Variants in TMEM71 observed in about 807,000 individuals in gnomAD.
TMEM71 encodes the protein transmembrane protein 71.
TMEM71 carries 44 observed loss-of-function variants against 38.0 expected under a neutral mutation model. The observed-to-expected ratio is 1.16, with a 90% CI of 0.91 to 1.49. The LOEUF (loss-of-function observed/expected upper bound fraction) is 1.49. TMEM71 is among the 40% of genes most tolerant of loss of function. The pLI is 0.00. For synonymous variants in TMEM71, 133 were observed against 122.5 expected (o/e 1.09, Z -0.56); for missense variants, 367 against 348.6 (o/e 1.05, Z -0.42).
chr8:132,774,357 G>A, the TMEM71 span, among the ~76,000 whole-genome samples: 1 of 152,206 alleles, frequency 6.6e-6, no homozygotes, highest in Non-Finnish European at 1.5e-5. Context: ...ATATCCACTA[G>A]AGACTGTCTT....
chr8:132,755,748 T>A (rs1207373981), intron 3 of TMEM71, among the ~76,000 whole-genome samples: 1 of 152,192 alleles, frequency 6.6e-6, no homozygotes, highest in African/African-American at 2.4e-5. Flanking sequence ...AGCCCTGTAA[T>A]AAAATACTGT....
the TMEM71 span, among the ~76,000 whole-genome samples, chr8:132,766,800 AAT>A: frequency 8.3e-6 from 1 of 120,062 alleles, no homozygotes; most frequent in Admixed American, 8.4e-5. Flanking sequence ...AAAAAATAAA[AAT>A]AAAAAAGATG....
chr8:132,775,327 G>A, the TMEM71 span: 2 of 345,692 alleles, frequency 5.8e-6, no homozygotes, highest in Admixed American at 4.8e-5. Flanking sequence ...CACGTGACAA[G>A]GCCAGGCCCG....
At chr8:132,722,259 T>A in intron 6 of TMEM71, 144 bp from the exon 7 acceptor site, 1 of 642,986 alleles carries the variant, frequency 1.6e-6, no homozygotes, top group Non-Finnish European at 2.8e-6. Flanking sequence ...CAATGTGTCA[T>A]AAATAACAAG....
chr8:132,715,459 G>A (rs925025883), intron 7 of TMEM71, among the ~76,000 whole-genome samples: 2 of 147,052 alleles, frequency 1.4e-5, no homozygotes, highest in Non-Finnish European at 3.0e-5. Context: ...GCAAACAGTT[G>A]GAAGATAGTT....
the TMEM71 span, among the ~76,000 whole-genome samples, chr8:132,770,303 T>C: frequency 6.6e-6 from 1 of 152,166 alleles, no homozygotes; most frequent in Non-Finnish European, 1.5e-5. Context: ...CAAATTCCAG[T>C]CTCTTTCTTT....
At chr8:132,714,815 A>C (rs1282918921) in intron 7 of TMEM71, among the ~76,000 whole-genome samples, 2 of 152,216 alleles carry the variant, frequency 1.3e-5, no homozygotes, top group East Asian at 1.9e-4. Flanking sequence ...TTATGTATCT[A>C]ATCAAGGACT....
chr8:132,728,440 T>C (rs1827273991), intron 5 of TMEM71, among the ~76,000 whole-genome samples: 1 of 152,192 alleles, frequency 6.6e-6, no homozygotes, highest in Non-Finnish European at 1.5e-5. Flanking sequence ...CCCATCACCA[T>C]GATTCAATAC....
Position 132,710,843 on chromosome 8 carries a change from G to A in TMEM71, c.*124C>T, listed in dbSNP as rs761942511. The A allele has an allele frequency of 8.3e-6, 7 of 846,230 alleles. No individual in the cohort carries two copies. The highest frequency in any genetic ancestry group is 1.4e-5 in the Non-Finnish European group (7 of 504,656). The allele number at this position is 846,230 out of a possible 1,614,324, so 52.4% of individuals were successfully genotyped here. A position where few individuals can be genotyped will look rare whatever the true frequency, so the allele number is the denominator to read the frequency against. ...AAAATCACATAGTCAAACTAAAATG[G>A]CTTTTTCTCCATTACTCGCTTACTC... On this transcript the variant is annotated 3_prime_UTR_variant, in exon 10 of 10. Transcript: ENST00000677595.
chr8:132,711,179 A>C lies in TMEM71; in HGVS notation c.873-197T>G, dbSNP rs145597606. 7.2e-3 allele frequency among the ~76,000 whole-genome samples: 1,095 copies of C among 152,260 alleles called. 14 individuals carry two copies. Among genetic ancestry groups the C allele is most frequent in the African/African-American group, 0.025 (1,058 of 41,546 alleles). On this transcript the variant is annotated intron_variant, in intron 9 of 9. Coordinates refer to ENST00000677595, the MANE Select transcript of TMEM71 (RefSeq NM_001382403.1). ...TTTTCGTTTTTGCTTTTATCCCAGC[A>C]GTTCTTAGTGCTCTCCTTTTTGTCT... is the stretch of plus-strand genomic sequence containing the variant.
At chr8:132,723,832 G>A (rs1207191067) in intron 6 of TMEM71, among the ~76,000 whole-genome samples, 1 of 151,982 alleles carries the variant, frequency 6.6e-6, no homozygotes, top group African/African-American at 2.4e-5. Flanking sequence ...CATATATCAG[G>A]GGAACCCACC....
chr8:132,746,784 G>A (rs1002376010), intron 5 of TMEM71, among the ~76,000 whole-genome samples, 158 bp downstream of exon 5: 5 of 152,072 alleles, frequency 3.3e-5, no homozygotes, highest in Non-Finnish European at 7.3e-5. Context: ...GATCACACAT[G>A]TAATATAGAG....
chr8:132,759,124 CAG>C (rs1829191366), intron 1 of TMEM71, among the ~76,000 whole-genome samples: 1 of 152,152 alleles, frequency 6.6e-6, no homozygotes, highest in Non-Finnish European at 1.5e-5. Context: ...TTGCCTCACT[CAG>C]TGCATCTCAA....
chr8:132,726,710 A>G (rs1827161381), intron 6 of TMEM71, among the ~76,000 whole-genome samples: 1 of 152,252 alleles, frequency 6.6e-6, no homozygotes, highest in African/African-American at 2.4e-5. Flanking sequence ...TTAGCAAACC[A>G]GAGACTAAGG....
chr8:132,732,415 C>A (rs1827509202), intron 5 of TMEM71, among the ~76,000 whole-genome samples: 1 of 152,020 alleles, frequency 6.6e-6, no homozygotes, highest in Admixed American at 6.6e-5. Flanking sequence ...GGGTGGGTTC[C>A]CAGAAGAGTC....
chr8:132,719,257 T>C (rs1563743367), intron 7 of TMEM71, among the ~76,000 whole-genome samples: 2 of 152,234 alleles, frequency 1.3e-5, no homozygotes, highest in Non-Finnish European at 2.9e-5. Context: ...TTGAATTTTA[T>C]ATACACAGGT....
At chr8:132,753,926 AT>A (rs1024348876) in intron 3 of TMEM71, among the ~76,000 whole-genome samples, 1 of 151,944 alleles carries the variant, frequency 6.6e-6, no homozygotes, top group Admixed American at 6.6e-5. Context: ...CTATTCAGCT[AT>A]TTAAAGAGAG....
At chr8:132,728,013 A>AGTGTGTGT (rs59776482) in intron 5 of TMEM71, 27 bp from the exon 6 acceptor site, 85 of 1,080,738 alleles carry the variant, frequency 7.9e-5, no homozygotes, top group African/African-American at 6.8e-4. Flanking sequence ...GTTCAGTGTG[A>AGTGTGTGT]GTGTGTGTGT....
At position 132,710,985 on chromosome 8, in the gene TMEM71, A is replaced by C; in HGVS notation, c.873-3T>G. On this transcript the variant is annotated splice_polypyrimidine_tract_variant and splice_region_variant and intron_variant, in intron 9 of 9. Coordinates refer to ENST00000677595, the MANE Select transcript of TMEM71 (RefSeq NM_001382403.1). Reference sequence around the variant, plus strand: ...ATGGTTGTCAAATTTTGACAAACCTAGATTGGAGAAATAAGAAAAGAAATG... The same window carrying C: ...ATGGTTGTCAAATTTTGACAAACCTCGATTGGAGAAATAAGAAAAGAAATG... The C allele has an allele frequency of 6.2e-7, 1 of 1,607,114 alleles. No homozygotes were observed. Among genetic ancestry groups the C allele is most frequent in the African/African-American group, 1.3e-5 (1 of 74,198 alleles).
Sources: gnomAD v4.1 joint callset for allele counts (sites outside exome capture counted in the v4.1 genomes callset) on GRCh38, gnomAD v4.1.1 for gene constraint, MANE v1.5 for transcripts, NCBI Gene and HGNC (gene_info 2026-07-23, HGNC 2026-07-21) for gene names.